RPS6KC1: variants seen among roughly 807,000 people sequenced by gnomAD.
RPS6KC1 encodes ribosomal protein S6 kinase C1, also known as inactive ribosomal protein S6 kinase delta-1.
Under a neutral mutation model 103.8 loss-of-function variants are expected in RPS6KC1, and 54 were observed. The ratio of observed to expected loss-of-function variants is 0.52; its 90% CI spans 0.42 to 0.65. The LOEUF (loss-of-function observed/expected upper bound fraction) is 0.65. RPS6KC1 is among the 30% of genes least tolerant of loss of function. The pLI is 0.00. For missense variants in RPS6KC1, 1,151 were observed against 1,253.8 expected, an observed-to-expected ratio of 0.92 and a Z score of 1.24; for synonymous variants, 439 against 438.7, an observed-to-expected ratio of 1.00 and a Z score of -0.01.
intron 12 of RPS6KC1, among the ~76,000 whole-genome samples, chr1:213,247,701 G>C (rs918848918): frequency 1.3e-5 from 2 of 152,156 alleles, no homozygotes; most frequent in Non-Finnish European, 2.9e-5. Context: ...TTTAACAGTA[G>C]TAAAATAGAT....
chr1:213,345,009 T>A, the RPS6KC1 span, among the ~76,000 whole-genome samples: 1 of 152,196 alleles, frequency 6.6e-6, no homozygotes, highest in Non-Finnish European at 1.5e-5. Flanking sequence ...TTTTGACCTT[T>A]TAGTATATTT....
At chr1:213,341,493 C>T in the RPS6KC1 span, among the ~76,000 whole-genome samples, 8 of 152,242 alleles carry the variant, frequency 5.3e-5, no homozygotes, top group South Asian at 1.7e-3. Flanking sequence ...ATGAGAGAGG[C>T]CACATAGAGT....
chr1:213,847,233 A>G, the RPS6KC1 span, among the ~76,000 whole-genome samples: 13,766 of 152,238 alleles, frequency 0.09, 2,115 homozygotes, highest in African/African-American at 0.31. Flanking sequence ...TAGTAGGCAC[A>G]TGGGATTCTA....
chr1:213,726,259 A>G, the RPS6KC1 span, among the ~76,000 whole-genome samples: 5 of 152,012 alleles, frequency 3.3e-5, no homozygotes, highest in East Asian at 7.7e-4. Flanking sequence ...CTAATTTTTA[A>G]TTTTTCTGGA....
At chr1:213,160,173 G>A (rs768020484) in intron 6 of RPS6KC1, among the ~76,000 whole-genome samples, 1 of 152,090 alleles carries the variant, frequency 6.6e-6, no homozygotes, top group Admixed American at 6.5e-5. Context: ...CTGTGTTGCC[G>A]TTAGTGTTCT....
At chr1:213,547,131 G>T in the RPS6KC1 span, among the ~76,000 whole-genome samples, 1 of 152,124 alleles carries the variant, frequency 6.6e-6, no homozygotes, top group Non-Finnish European at 1.5e-5. Flanking sequence ...GACTGCAGGG[G>T]TGAACTACCA....
the RPS6KC1 span, among the ~76,000 whole-genome samples, chr1:213,377,670 G>A: frequency 3.6e-3 from 543 of 152,292 alleles, 3 homozygotes; most frequent in African/African-American, 0.012. Flanking sequence ...TCAAGCTGGA[G>A]CTGTATTTAA....
At chr1:213,675,061 G>A in the RPS6KC1 span, among the ~76,000 whole-genome samples, 4 of 152,092 alleles carry the variant, frequency 2.6e-5, no homozygotes, top group South Asian at 8.3e-4. Context: ...TGCATTGTTT[G>A]CAAATATTTT....
At chr1:213,229,307 T>C (rs1405819706) in intron 8 of RPS6KC1, among the ~76,000 whole-genome samples, 2 of 152,216 alleles carry the variant, frequency 1.3e-5, no homozygotes, top group Admixed American at 6.5e-5. Flanking sequence ...AAAATTCTTC[T>C]ATTTTTTTCA....
the RPS6KC1 span, among the ~76,000 whole-genome samples, chr1:213,475,107 C>T: frequency 3.3e-5 from 5 of 152,274 alleles, no homozygotes; most frequent in South Asian, 4.1e-4. Context: ...TGAGTGATTG[C>T]GGGGCCGTTT....
chr1:213,525,884 A>G, the RPS6KC1 span, among the ~76,000 whole-genome samples: 1 of 152,160 alleles, frequency 6.6e-6, no homozygotes, highest in East Asian at 1.9e-4. Flanking sequence ...ACTGGGTCCA[A>G]GAGAAAGTAA....
chr1:213,359,332 A>G, the RPS6KC1 span, among the ~76,000 whole-genome samples: 1 of 151,860 alleles, frequency 6.6e-6, no homozygotes, highest in African/African-American at 2.4e-5. Context: ...GTCTCTTTTG[A>G]TCTTTGTTGG....
At position 213,241,169 on chromosome 1, in the gene RPS6KC1, C is replaced by T; in HGVS notation, c.1693C>T (p.Leu565=). 6.2e-7 allele frequency: 1 copy of T among 1,613,908 alleles called. No homozygotes were observed. The highest frequency in any genetic ancestry group is 1.3e-5 in the African/African-American group (1 of 75,038). The change falls in exon 11 of 15, where the codon CTG becomes TTG. Residue 565 remains leucine (L), a synonymous_variant. Transcript: ENST00000366960. ...AADSDSPSTQ[L]RAHELKFFPN... ...TGACAGTGACAGCCCCAGCACACAG[C>T]TGAGAGCTCACGAGCTGAAGTTCTT...
the RPS6KC1 span, among the ~76,000 whole-genome samples, chr1:213,684,887 C>A: frequency 1.3e-5 from 2 of 152,202 alleles, no homozygotes; most frequent in Non-Finnish European, 1.5e-5. Context: ...AAAGAGGATG[C>A]AAGGGAGCTG....
At chr1:213,821,602 C>T in the RPS6KC1 span, 3 of 152,136 alleles carry the variant, frequency 2.0e-5, no homozygotes, top group Non-Finnish European at 4.4e-5. Flanking sequence ...TTTTTATAAC[C>T]CCCTGTTCTC....
the RPS6KC1 span, among the ~76,000 whole-genome samples, chr1:213,719,881 T>G: frequency 6.6e-6 from 1 of 152,176 alleles, no homozygotes; most frequent in African/African-American, 2.4e-5. Context: ...GACCAGATAT[T>G]TGTGCCTACT....
intron 12 of RPS6KC1, 64 bp from the exon 13 acceptor site, chr1:213,261,494 T>G: frequency 2.8e-6 from 4 of 1,413,672 alleles, no homozygotes; most frequent in Non-Finnish European, 4.0e-6. Flanking sequence ...TGCTAATACA[T>G]GTTAATTTTG....
the RPS6KC1 span, among the ~76,000 whole-genome samples, chr1:213,435,421 A>G: frequency 6.6e-6 from 1 of 152,216 alleles, no homozygotes; most frequent in Non-Finnish European, 1.5e-5. Context: ...TATGCAAGAC[A>G]TTGTAAATAT....
At chr1:213,068,266 A>T (rs1459275065) in intron 1 of RPS6KC1, among the ~76,000 whole-genome samples, 1 of 151,904 alleles carries the variant, frequency 6.6e-6, no homozygotes, top group Non-Finnish European at 1.5e-5. Flanking sequence ...CGGGCAGATC[A>T]CGAGGTCAAG....
Sources: allele counts gnomAD v4.1 joint callset (sites outside exome capture counted in the v4.1 genomes callset), GRCh38; gene constraint gnomAD v4.1.1; transcripts MANE v1.5; gene names NCBI Gene and HGNC (gene_info 2026-07-23, HGNC 2026-07-21).